The following JAKMIP1 variants were observed in gnomAD, a reference collection of about 807,000 sequenced individuals.
JAKMIP1 encodes janus kinase and microtubule interacting protein 1.
JAKMIP1 carries 33 observed loss-of-function variants against 113.0 expected under a neutral mutation model. That is an observed-to-expected ratio of 0.29 (90% CI 0.22 to 0.39). JAKMIP1 has a LOEUF of 0.39. Among genes scored for constraint, JAKMIP1 ranks in the 10% least tolerant of loss-of-function variants. The pLI is 1.00. For synonymous variants in JAKMIP1, 480 were observed against 459.9 expected (o/e 1.04, Z -0.56); for missense variants, 813 against 1,080.5 (o/e 0.75, Z 3.47).
chr4:6,076,423 T>A lies in JAKMIP1; in HGVS notation c.1302+2516A>T, dbSNP rs1016081006. Among the ~76,000 whole-genome samples the A allele has an allele frequency of 6.6e-6, 1 of 152,066 alleles. No individual in the cohort carries two copies. Among genetic ancestry groups the A allele is most frequent in the Non-Finnish European group, 1.5e-5 (1 of 68,028 alleles). On this transcript the variant is annotated intron_variant, in intron 8 of 20. Transcript: ENST00000409021. This position sits in a 1 kb window ranked among gnomAD's most constrained non-coding sequence, Gnocchi z 4.8. ...ATATTATATATATATATGTCTTCTG[T>A]AGCTGTAAAATTGAAAAAATAATAC...
At chr4:6,041,716 G>A (rs1048704455) in intron 17 of JAKMIP1, among the ~76,000 whole-genome samples, 1 of 152,216 alleles carries the variant, frequency 6.6e-6, no homozygotes, top group African/African-American at 2.4e-5. Context: ...CTAAAGTCCA[G>A]TTTCCCAAGT....
intron 18 of JAKMIP1, among the ~76,000 whole-genome samples, chr4:6,036,634 G>A (rs577667309): frequency 6.6e-6 from 1 of 152,186 alleles, no homozygotes; most frequent in Non-Finnish European, 1.5e-5. Flanking sequence ...CACCCTTTTT[G>A]GCAAAGCTGA....
chr4:6,037,857 C>T (rs1713738928), intron 18 of JAKMIP1, among the ~76,000 whole-genome samples: 1 of 149,846 alleles, frequency 6.7e-6, no homozygotes, highest in Non-Finnish European at 1.5e-5. Flanking sequence ...AACCAGTATC[C>T]CTCCATCACT....
In JAKMIP1 at chr4:6,157,446, T is replaced by A. The variant is rs1454294157; in HGVS notation, c.-148+42807A>T. On this transcript the variant is annotated intron_variant, in intron 1 of 20. Coordinates refer to ENST00000409021, the MANE Select transcript of JAKMIP1 (RefSeq NM_001099433.2). This position sits in a 1 kb window ranked among gnomAD's most constrained non-coding sequence, Gnocchi z 4.7. ...GGTAATTCAGGTAATTTGTGATATT[T>A]AGGAAGCTACAAATTATAGATATAA... Among the ~76,000 whole-genome samples, 2 of 152,218 alleles carry A rather than the reference T, an allele frequency of 1.3e-5. No individual in the cohort carries two copies. Among genetic ancestry groups the A allele is most frequent in the Admixed American group, 6.5e-5 (1 of 15,286 alleles).
chr4:6,159,978 C>G (rs752456102), intron 1 of JAKMIP1, among the ~76,000 whole-genome samples: 27 of 152,130 alleles, frequency 1.8e-4, no homozygotes, highest in Non-Finnish European at 3.5e-4. Flanking sequence ...CCACATCAGA[C>G]ACTCACGGAC....
At chr4:6,087,155 C>T in intron 3 of JAKMIP1, among the ~76,000 whole-genome samples, 1 of 152,224 alleles carries the variant, frequency 6.6e-6, no homozygotes, top group East Asian at 1.9e-4. Context: ...AAAGCTCTTA[C>T]TTCTAAATCA....
In JAKMIP1 at chr4:6,112,767, G is replaced by A. The variant is rs114958467; in HGVS notation, c.84C>T (p.Ala28=). ...ACTCGATCTGAATGCTGGTCAGCTTGGCCCGCAGCTCCTCGTTGGCCATCT... is the reference window on the plus strand; with the variant it reads ...ACTCGATCTGAATGCTGGTCAGCTTAGCCCGCAGCTCCTCGTTGGCCATCT... ...AVQMANEELR[A]KLTSIQIEFQ... Residue 28 remains alanine (A), a synonymous_variant, in exon 2 of 21, where the codon GCC becomes GCT. Transcript: ENST00000409021. 5.0e-6 allele frequency: 8 copies of A among 1,614,096 alleles called. No homozygotes were observed. The African/African-American group carries it at 8.0e-5, about 16-fold the overall frequency.
Position 6,116,466 on chromosome 4 carries a change from T to A in JAKMIP1, c.-147-3469A>T, listed in dbSNP as rs1578280542. 1.3e-5 allele frequency among the ~76,000 whole-genome samples: 2 copies of A among 151,646 alleles called. No homozygotes were observed. The highest frequency in any genetic ancestry group is 4.9e-5 in the African/African-American group (2 of 41,234). Reference sequence around the variant, plus strand: ...TGCTCAGGACACACAGGAGGCGGAGTCCTCAGAGAAGGCTCCTTCCTGAAG... The same window carrying A: ...TGCTCAGGACACACAGGAGGCGGAGACCTCAGAGAAGGCTCCTTCCTGAAG... On this transcript the variant is annotated intron_variant, in intron 1 of 20. Transcript: ENST00000409021. This position sits in a 1 kb window ranked among gnomAD's most constrained non-coding sequence, Gnocchi z 5.1.
intron 12 of JAKMIP1, among the ~76,000 whole-genome samples, chr4:6,056,073 C>T (rs1716395490): frequency 6.6e-6 from 1 of 151,142 alleles, no homozygotes; most frequent in Admixed American, 6.6e-5. Flanking sequence ...GGGCTGCCCT[C>T]CCCATTTCTG....
In JAKMIP1 at chr4:6,155,437, A is replaced by G. The variant is rs1722118267; in HGVS notation, c.-147-42440T>C. On this transcript the variant is annotated intron_variant, in intron 1 of 20. Transcript: ENST00000409021. This position sits in a 1 kb window ranked among gnomAD's most constrained non-coding sequence, Gnocchi z 6.1. ...TTAAAAAGTATGGAAAGGCTAAAAC[A>G]CTTGTCCAAAAGTGCACAGCTACTA... is the stretch of plus-strand genomic sequence containing the variant. 6.6e-6 allele frequency among the ~76,000 whole-genome samples: 1 copy of G among 152,214 alleles called. No homozygotes were observed. The highest frequency in any genetic ancestry group is 1.5e-5 in the Non-Finnish European group (1 of 68,042).
chr4:6,046,405 A>C (rs1715001547), intron 16 of JAKMIP1, among the ~76,000 whole-genome samples: 1 of 152,250 alleles, frequency 6.6e-6, no homozygotes, highest in Non-Finnish European at 1.5e-5. Context: ...TATTCCTCAA[A>C]GACGCGGAGC....
intron 1 of JAKMIP1, among the ~76,000 whole-genome samples, chr4:6,119,121 C>T (rs749977529): frequency 5.9e-5 from 9 of 152,170 alleles, no homozygotes; most frequent in Non-Finnish European, 1.3e-4. Context: ...GGGAATGCGA[C>T]CCTGCCAGCA....
intron 1 of JAKMIP1, among the ~76,000 whole-genome samples, chr4:6,118,810 C>T (rs555288174): frequency 6.6e-6 from 1 of 152,096 alleles, no homozygotes; most frequent in East Asian, 1.9e-4. Flanking sequence ...TGAATCGTGG[C>T]CCCCAAAGAA....
rs1030476054 is a variant in JAKMIP1 at position 6,200,432 on chromosome 4, A to G, written c.-327T>C. 6.6e-6 allele frequency: 1 copy of G among 150,642 alleles called. No homozygotes were observed. The highest frequency in any genetic ancestry group is 6.6e-5 in the Admixed American group (1 of 15,160). 9.3% of individuals were successfully genotyped at this position (150,642 alleles called of 1,614,324 possible). The stretch of plus-strand genomic sequence containing the variant: ...ATGCATGCACAAAAAAAATCGTAAA[A>G]AGCAATTGAGGAGGATGGCAGTCGC... On this transcript the variant is annotated 5_prime_UTR_variant, in exon 1 of 21. Transcript: ENST00000409021. This position sits in a 1 kb window ranked among gnomAD's most constrained non-coding sequence, Gnocchi z 7.0.
Position 6,052,612 on chromosome 4 carries a change from C to A in JAKMIP1, c.1806+1438G>T, listed in dbSNP as rs142528442. On this transcript the variant is annotated intron_variant, in intron 13 of 20. Transcript: ENST00000409021. ...AGTGAGCCAAGAGTGCACCACGCCA[C>A]TGTCCTCCAGCCTGGGTGACAGAGC... is the stretch of plus-strand genomic sequence containing the variant. Among the ~76,000 whole-genome samples the A allele has an allele frequency of 1.7e-4, 24 of 142,140 alleles. No homozygotes were observed. In the East Asian group the frequency reaches 4.9e-3, roughly 29 times the overall value. The allele number at this position is 142,140 out of a possible 152,430, so 93.2% of individuals were successfully genotyped here.
At chr4:6,145,810 A>G (rs2108970988) in intron 1 of JAKMIP1, among the ~76,000 whole-genome samples, 1 of 152,242 alleles carries the variant, frequency 6.6e-6, no homozygotes, top group Middle Eastern at 3.4e-3. Context: ...GTGTCTTCAC[A>G]TGGTCATCCC....
rs912357608 is a variant in JAKMIP1, at chr4:6,143,930, T to C, written c.-147-30933A>G. On this transcript the variant is annotated intron_variant, in intron 1 of 20. Coordinates refer to ENST00000409021, the MANE Select transcript of JAKMIP1 (RefSeq NM_001099433.2). The surrounding 1 kb of genome is among the most constrained non-coding windows in gnomAD (Gnocchi z 4.9). ...TGAGTGCCTTCCTTCCTTCTCAGTC[T>C]CCAGGGCTGGAGCAGGGACCACAGC... is the stretch of plus-strand genomic sequence containing the variant. Among the ~76,000 whole-genome samples the C allele has an allele frequency of 6.6e-6, 1 of 152,162 alleles. No homozygotes were observed. The highest frequency in any genetic ancestry group is 1.5e-5 in the Non-Finnish European group (1 of 68,028).
Position 6,105,485 on chromosome 4 carries a change from G to A in JAKMIP1, c.612C>T (p.Asp204=), listed in dbSNP as rs1713757654. The stretch of plus-strand genomic sequence containing the variant: ...GGGCGGCACGTACCAGCCTGCGGAT[G>A]TCGCGCTCGCACTCGCGCTTGATGC... The part of the protein sequence containing the change: ...VHRIKRECER[D]IRRLMDEIKG... Residue 204 remains aspartate (D), a synonymous_variant, in exon 3 of 21, where the codon GAC becomes GAT. Coordinates refer to ENST00000409021, the MANE Select transcript of JAKMIP1 (RefSeq NM_001099433.2). 1.2e-6 allele frequency: 2 copies of A among 1,601,604 alleles called. No individual in the cohort carries two copies. The highest frequency in any genetic ancestry group is 1.7e-6 in the Non-Finnish European group (2 of 1,174,662).
chr4:6,133,459 G>C (rs1354036494), intron 1 of JAKMIP1, among the ~76,000 whole-genome samples: 2 of 152,154 alleles, frequency 1.3e-5, no homozygotes, highest in African/African-American at 4.8e-5. Flanking sequence ...TCCTTAAAAA[G>C]CAAATGAACA....
Sources: gnomAD v4.1 joint callset for allele counts (sites outside exome capture counted in the v4.1 genomes callset) on GRCh38, gnomAD v4.1.1 for gene constraint, Gnocchi (gnomAD v3.1) non-coding constraint, MANE v1.5 for transcripts, NCBI Gene and HGNC (gene_info 2026-07-23, HGNC 2026-07-21) for gene names.